Variants in CNTN1 observed in about 807,000 individuals in gnomAD.
The protein encoded by CNTN1 is contactin 1, also known as contactin-1.
In CNTN1, 38 loss-of-function variants were observed where a neutral mutation model predicts 126.4. The ratio of observed to expected loss-of-function variants is 0.30; its 90% CI spans 0.23 to 0.39. The LOEUF is 0.39. CNTN1 is among the 10% of genes least tolerant of loss of function. The probability of loss-of-function intolerance (pLI) is 1.00; values close to 1 mark genes in which losing one functional copy is unlikely to be tolerated. For synonymous variants in CNTN1, 413 were observed against 422.6 expected (o/e 0.98, Z 0.28); for missense variants, 1,009 against 1,248.4 (o/e 0.81, Z 2.89).
intron 1 of CNTN1, among the ~76,000 whole-genome samples, chr12:40,887,080 A>G (rs1489505140): frequency 1.3e-5 from 2 of 152,102 alleles, no homozygotes; most frequent in Admixed American, 6.6e-5. Context: ...TGAACTTTAA[A>G]GTAGTTTTTT....
intron 5 of CNTN1, among the ~76,000 whole-genome samples, chr12:40,923,264 G>A (rs1032520474): frequency 3.9e-5 from 6 of 152,040 alleles, no homozygotes; most frequent in Non-Finnish European, 2.9e-5. Flanking sequence ...ACTGTGCTAA[G>A]CTAAAAATTA....
intron 1 of CNTN1, among the ~76,000 whole-genome samples, chr12:40,698,231 T>G (rs1941501732): frequency 2.5e-5 from 2 of 80,570 alleles, no homozygotes; most frequent in Non-Finnish European, 4.8e-5. Flanking sequence ...CCACTTAATT[T>G]TTTTTTTTTT....
At chr12:41,051,297 G>A (rs1028732423) in intron 23 of CNTN1, among the ~76,000 whole-genome samples, 17 of 151,066 alleles carry the variant, frequency 1.1e-4, no homozygotes, top group South Asian at 4.2e-4. Flanking sequence ...ACAGGTGCCC[G>A]CCACCATGCC....
At chr12:41,036,648 A>G (rs1592439536) in intron 23 of CNTN1, among the ~76,000 whole-genome samples, 1 of 152,184 alleles carries the variant, frequency 6.6e-6, no homozygotes, top group Non-Finnish European at 1.5e-5. Context: ...TAACCTAATC[A>G]CCAAGGCCCA....
chr12:41,020,930 C>T (rs1206521952), intron 20 of CNTN1, among the ~76,000 whole-genome samples: 2 of 152,180 alleles, frequency 1.3e-5, no homozygotes, highest in South Asian at 4.1e-4. Context: ...ATAAAACTTC[C>T]CTTGAGCTTA....
intron 1 of CNTN1, among the ~76,000 whole-genome samples, chr12:40,701,396 C>A (rs1406854366): frequency 6.6e-6 from 1 of 152,106 alleles, no homozygotes; most frequent in Non-Finnish European, 1.5e-5. Flanking sequence ...TCTAACATCT[C>A]AAACCATAAA....
chr12:40,924,880 A>C (rs904405550), intron 6 of CNTN1, among the ~76,000 whole-genome samples: 1 of 136,742 alleles, frequency 7.3e-6, no homozygotes, highest in Admixed American at 7.4e-5. Context: ...TAGTTTATAA[A>C]CATATATATA....
intron 1 of CNTN1, among the ~76,000 whole-genome samples, chr12:40,792,425 T>C (rs939302736): frequency 5.3e-5 from 8 of 152,272 alleles, no homozygotes; most frequent in African/African-American, 1.4e-4. Context: ...TTTTAAAATC[T>C]ATTATTTAAA....
chr12:40,701,991 G>A (rs140233107), intron 1 of CNTN1, among the ~76,000 whole-genome samples: 87 of 152,216 alleles, frequency 5.7e-4, no homozygotes, highest in Non-Finnish European at 9.4e-4. Context: ...AATCACTATC[G>A]CCTTACTGTT....
chr12:41,004,568 T>G (rs546226016), intron 17 of CNTN1, among the ~76,000 whole-genome samples: 22 of 152,340 alleles, frequency 1.4e-4, no homozygotes, highest in Admixed American at 6.5e-4. Context: ...TGTGGGAGTC[T>G]GAGTCTCTTT....
rs572833662 is a variant in CNTN1 at position 40,839,252 on chromosome 12, G to T, written c.-76-69105G>T. On this transcript the variant is annotated intron_variant, in intron 1 of 23. Coordinates refer to ENST00000551295, the MANE Select transcript of CNTN1 (RefSeq NM_001843.4). Reference sequence around the variant, plus strand: ...AAAATATAGAAAAAAAACTTAAAAAGAATGAGCAAAGCCATTTTGACATTT... The same window carrying T: ...AAAATATAGAAAAAAAACTTAAAAATAATGAGCAAAGCCATTTTGACATTT... Among the ~76,000 whole-genome samples, 6 of 152,112 alleles carry T rather than the reference G, an allele frequency of 3.9e-5. No homozygotes were observed. In the East Asian group the frequency reaches 1.2e-3, roughly 29 times the overall value.
At chr12:41,030,519 A>T (rs1479797402) in intron 23 of CNTN1, among the ~76,000 whole-genome samples, 1 of 152,150 alleles carries the variant, frequency 6.6e-6, no homozygotes, top group Non-Finnish European at 1.5e-5. Context: ...TGCTTAGTTG[A>T]ATTTACTTAT....
intron 19 of CNTN1, among the ~76,000 whole-genome samples, chr12:41,017,775 G>C (rs1478912614): frequency 1.3e-5 from 2 of 151,844 alleles, no homozygotes; most frequent in East Asian, 1.9e-4. Context: ...CTATACTTTT[G>C]TTATTTATAT....
chr12:40,715,567 G>A (rs1014703423), intron 1 of CNTN1, among the ~76,000 whole-genome samples: 3 of 152,088 alleles, frequency 2.0e-5, no homozygotes, highest in Non-Finnish European at 2.9e-5. Context: ...CCTTGTGTTG[G>A]AGAAAATATT....
intron 1 of CNTN1, among the ~76,000 whole-genome samples, chr12:40,767,078 A>G (rs1170104357): frequency 6.6e-6 from 1 of 152,192 alleles, no homozygotes; most frequent in Non-Finnish European, 1.5e-5. Context: ...TGAACATTAT[A>G]GTAATGAAAA....
rs565934768 is a variant in CNTN1 at position 41,070,125 on chromosome 12, C to T, written c.*90C>T. ...ACAATTCCTTCCAATTTCTGCGGCT[C>T]CATCCTAAGCCAAATAAATTATACT... On this transcript the variant is annotated 3_prime_UTR_variant, in exon 24 of 24. Transcript: ENST00000551295. 11 of 1,077,932 alleles carry T rather than the reference C, an allele frequency of 1.0e-5. No homozygotes were observed. The African/African-American group carries it at 1.2e-4, about 12-fold the overall frequency. 66.8% of individuals were successfully genotyped at this position (1,077,932 alleles called of 1,614,324 possible).
In CNTN1 at chr12:40,884,889, C is replaced by T. The variant is rs964861200; in HGVS notation, c.-76-23468C>T. Among the ~76,000 whole-genome samples, 5 of 151,252 alleles carry T rather than the reference C, an allele frequency of 3.3e-5. No homozygotes were observed. The East Asian group carries it at 9.6e-4, about 29-fold the overall frequency. The stretch of plus-strand genomic sequence containing the variant: ...TTTATATATACAACTTAAATTTTTT[C>T]CTTTGTATTTTCTTATATTCAGGGA... On this transcript the variant is annotated intron_variant, in intron 1 of 23. Coordinates refer to ENST00000551295, the MANE Select transcript of CNTN1 (RefSeq NM_001843.4).
intron 6 of CNTN1, among the ~76,000 whole-genome samples, chr12:40,925,588 CATGTATATATATATAT>C (rs1945629117): frequency 2.4e-5 from 3 of 125,730 alleles, no homozygotes; most frequent in Non-Finnish European, 3.4e-5. Context: ...CGTATATATA[CATGTATATATATATAT>C]ACGTGTATAT....
chr12:40,738,183 G>A (rs1405677679), intron 1 of CNTN1, among the ~76,000 whole-genome samples: 1 of 151,968 alleles, frequency 6.6e-6, no homozygotes, highest in Non-Finnish European at 1.5e-5. Flanking sequence ...ATAATAATAT[G>A]ATATTTGTTC....
Sources: allele counts gnomAD v4.1 joint callset (sites outside exome capture counted in the v4.1 genomes callset), GRCh38; gene constraint gnomAD v4.1.1; transcripts MANE v1.5; gene names NCBI Gene and HGNC (gene_info 2026-07-23, HGNC 2026-07-21).